The following HDAC8 variants were observed in gnomAD, a reference collection of about 807,000 sequenced individuals.
HDAC8 encodes histone deacetylase-like 1.
HDAC8 carries 1 observed loss-of-function variant against 32.2 expected under a neutral mutation model. The observed-to-expected ratio is 0.03, with a 90% CI of 0.01 to 0.15. The LOEUF (loss-of-function observed/expected upper bound fraction) is 0.15. Among genes scored for constraint, HDAC8 ranks in the 10% least tolerant of loss-of-function variants. HDAC8 has a pLI of 1.00. For synonymous variants in HDAC8, 108 were observed against 113.9 expected, an observed-to-expected ratio of 0.95 and a Z score of 0.33; for missense variants, 117 against 300.0, an observed-to-expected ratio of 0.39 and a Z score of 4.51.
intron 9 of HDAC8, among the ~76,000 whole-genome samples, chrX:72,425,327 GT>G (rs1199175086): frequency 8.1e-5 from 9 of 111,709 alleles, no homozygotes; most frequent in Non-Finnish European, 1.7e-4. Flanking sequence ...CTCAGTTGCT[GT>G]AAACCTTTGA....
At chrX:72,434,311 T>C (rs1203750230) in intron 9 of HDAC8, among the ~76,000 whole-genome samples, 1 of 111,769 alleles carries the variant, frequency 8.9e-6, no homozygotes, top group Non-Finnish European at 1.9e-5. Flanking sequence ...GAACCTAGCA[T>C]ATATACACTA....
At chrX:72,390,039 A>AT (rs2045571812) in intron 9 of HDAC8, among the ~76,000 whole-genome samples, 1 of 110,908 alleles carries the variant, frequency 9.0e-6, no homozygotes, top group Non-Finnish European at 1.9e-5. Context: ...TTAATTTTTA[A>AT]TTTTTGTGGG....
chrX:72,365,130 T>C (rs1333261332), intron 9 of HDAC8, among the ~76,000 whole-genome samples: 1 of 112,181 alleles, frequency 8.9e-6, no homozygotes, highest in African/African-American at 3.2e-5. Context: ...TTGCATTATA[T>C]GTACTAGTTG....
intron 4 of HDAC8, among the ~76,000 whole-genome samples, chrX:72,498,166 CAAAA>C (rs71982796): frequency 1.6e-4 from 8 of 50,825 alleles, no homozygotes; most frequent in African/African-American, 3.0e-4. Flanking sequence ...GTTAAAATGG[CAAAA>C]AAAAAAAAAA....
At chrX:72,346,941 G>A (rs191438751) in intron 10 of HDAC8, among the ~76,000 whole-genome samples, 5 of 111,555 alleles carry the variant, frequency 4.5e-5, no homozygotes, top group Admixed American at 9.5e-5. Flanking sequence ...AGGGGCGATC[G>A]GAAAGAGCAG....
At chrX:72,542,119 T>C (rs1556043542) in intron 4 of HDAC8, among the ~76,000 whole-genome samples, 1 of 112,498 alleles carries the variant, frequency 8.9e-6, no homozygotes. Context: ...CCCAAATTAC[T>C]CTCAAGTGCT....
intron 4 of HDAC8, among the ~76,000 whole-genome samples, chrX:72,496,704 A>T (rs1396335343): frequency 9.1e-6 from 1 of 109,973 alleles, no homozygotes; most frequent in Non-Finnish European, 1.9e-5. Context: ...ATGTGGAGGA[A>T]GAGTACAAAT....
intron 9 of HDAC8, among the ~76,000 whole-genome samples, chrX:72,438,888 T>C (rs782341687): frequency 9.0e-6 from 1 of 111,674 alleles, no homozygotes; most frequent in South Asian, 3.8e-4. Flanking sequence ...GGAAAACACT[T>C]TTCAGGATAT....
chrX:72,402,275 T>A (rs1255261981), intron 9 of HDAC8, among the ~76,000 whole-genome samples: 2 of 111,366 alleles, frequency 1.8e-5, no homozygotes, highest in South Asian at 3.8e-4. Context: ...TTTTGTTAAT[T>A]TTGTTGATCT....
chrX:72,502,949 T>C (rs1199173916), intron 4 of HDAC8, among the ~76,000 whole-genome samples: 1 of 111,391 alleles, frequency 9.0e-6, no homozygotes, highest in African/African-American at 3.3e-5. Context: ...AAATAAAAGA[T>C]ATTTTGTCAA....
chrX:72,553,506 A>G (rs989118035), intron 4 of HDAC8, among the ~76,000 whole-genome samples: 6 of 111,936 alleles, frequency 5.4e-5, no homozygotes, highest in African/African-American at 1.9e-4. Flanking sequence ...CATCTTTACC[A>G]TATTTTGGGT....
chrX:72,431,173 T>C (rs1322061095), intron 9 of HDAC8, among the ~76,000 whole-genome samples: 2 of 110,995 alleles, frequency 1.8e-5, no homozygotes, highest in Non-Finnish European at 3.8e-5. Flanking sequence ...CTTCATCACC[T>C]TTTGCCCCAC....
chrX:72,340,262 G>T (rs1192743802), intron 10 of HDAC8, among the ~76,000 whole-genome samples: 1 of 111,703 alleles, frequency 9.0e-6, no homozygotes, highest in Non-Finnish European at 1.9e-5. Flanking sequence ...GTGGAGCTGG[G>T]CCCCGGCAGT....
intron 4 of HDAC8, among the ~76,000 whole-genome samples, chrX:72,559,060 C>T (rs1206918051): frequency 5.1e-5 from 3 of 58,850 alleles, no homozygotes; most frequent in Non-Finnish European, 9.6e-5. Context: ...CTCCCCCCCT[C>T]CCCCTCCCCA....
intron 9 of HDAC8, among the ~76,000 whole-genome samples, chrX:72,373,398 CA>C (rs1190655117): frequency 3.6e-5 from 4 of 112,494 alleles, no homozygotes; most frequent in African/African-American, 1.3e-4. Context: ...TATCCCCTGG[CA>C]ACCAGTAATC....
chrX:72,351,766 G>A lies in HDAC8; in HGVS notation c.1078C>T (p.His360Tyr). 8.3e-7 allele frequency: 1 copy of A among 1,210,424 alleles called. No individual in the cohort carries two copies. Among genetic ancestry groups the A allele is most frequent in the African/African-American group, 1.7e-5 (1 of 57,895 alleles). Reference sequence around the variant, plus strand: ...TAGTTGAGGATTTGTTGGATTCGGTGGGGCTCATTGCGGTCTGGCCGGCAG... The same window carrying A: ...TAGTTGAGGATTTGTTGGATTCGGTAGGGCTCATTGCGGTCTGGCCGGCAG... Reference protein sequence around the residue: ...PSCRPDRNEPHRIQQILNYIK... With the variant: ...PSCRPDRNEPYRIQQILNYIK... Residue 360 changes from histidine (H) to tyrosine (Y), a missense_variant, in exon 10 of 11, where the codon CAC becomes TAC. Physicochemically the swap from His to Tyr is moderately conservative, Grantham distance 83. This residue lies in a region of HDAC8 where 18 missense variants were observed against 25.7 expected (regional missense o/e 0.70). Coordinates refer to ENST00000373573, the MANE Select transcript of HDAC8 (RefSeq NM_018486.3).
intron 9 of HDAC8, among the ~76,000 whole-genome samples, chrX:72,380,205 C>T (rs147143378): frequency 3.3e-3 from 370 of 111,843 alleles, no homozygotes; most frequent in Non-Finnish European, 5.8e-3. Context: ...TTTTGGTTAG[C>T]TTAATGTTCA....
At chrX:72,551,247 A>G (rs1045888461) in intron 4 of HDAC8, among the ~76,000 whole-genome samples, 2 of 111,758 alleles carry the variant, frequency 1.8e-5, no homozygotes, top group African/African-American at 6.5e-5. Context: ...TGGGAACACT[A>G]ATGAAGTCCT....
intron 6 of HDAC8, among the ~76,000 whole-genome samples, chrX:72,490,407 G>A (rs1256573185): frequency 1.9e-5 from 2 of 107,768 alleles, no homozygotes; most frequent in Non-Finnish European, 3.9e-5. Flanking sequence ...TATACACCAT[G>A]GAATACTATG....
Sources: gnomAD v4.1 joint callset for allele counts (sites outside exome capture counted in the v4.1 genomes callset) on GRCh38, gnomAD v4.1.1 for gene constraint, gnomAD v4.1.1 regional missense constraint, MANE v1.5 for transcripts, NCBI Gene and HGNC (gene_info 2026-07-23, HGNC 2026-07-21) for gene names.